Variants in CTNND2 observed in about 807,000 individuals in gnomAD.
CTNND2 encodes the protein catenin delta 2, also known as catenin delta-2.
In CTNND2, 22 loss-of-function variants were observed where a neutral mutation model predicts 144.4. That is an observed-to-expected ratio of 0.15 (90% confidence interval 0.11 to 0.22). The LOEUF (loss-of-function observed/expected upper bound fraction) is 0.22, where lower values mean the gene tolerates loss of function less well. Ranked by LOEUF, CTNND2 falls within the 10% of genes least tolerant of loss-of-function variation. CTNND2 has a pLI of 1.00. For synonymous variants in CTNND2, 751 were observed against 695.6 expected (o/e 1.08, Z -1.25); for missense variants, 1,353 against 1,618.8 (o/e 0.84, Z 2.82).
At chr5:11,028,371 C>A (rs1241280219) in intron 16 of CTNND2, among the ~76,000 whole-genome samples, 1 of 152,036 alleles carries the variant, frequency 6.6e-6, no homozygotes, top group Non-Finnish European at 1.5e-5. Context: ...TAAAAAACTT[C>A]TTTATTGCAG....
chr5:11,088,574 G>C (rs1453542226), intron 15 of CTNND2, among the ~76,000 whole-genome samples: 2 of 151,944 alleles, frequency 1.3e-5, no homozygotes, highest in Non-Finnish European at 1.5e-5. Context: ...TTTTCTTTTG[G>C]AACCAGAAAA....
intron 12 of CTNND2, among the ~76,000 whole-genome samples, chr5:11,153,763 A>T (rs1356142844): frequency 6.6e-6 from 1 of 152,190 alleles, no homozygotes; most frequent in Admixed American, 6.5e-5. Context: ...TTAGGACAAG[A>T]TACTGAAGTG....
chr5:10,994,325 TGGAGGAGCGGGGGCCGGGGAA>T (rs1739063412), intron 18 of CTNND2, among the ~76,000 whole-genome samples: 1 of 10,288 alleles, frequency 9.7e-5, no homozygotes, highest in Non-Finnish European at 1.8e-4. Context: ...GGGGCGGGGA[TGGAGGAGCGGGGGCCGGGGAA>T]GGAGGAGGGG....
At chr5:11,832,420 A>G (rs943603320) in intron 1 of CTNND2, among the ~76,000 whole-genome samples, 10 of 152,202 alleles carry the variant, frequency 6.6e-5, no homozygotes, top group African/African-American at 2.4e-4. Flanking sequence ...TCCAGGAGCT[A>G]GGAAAAAAAC....
chr5:11,615,758 C>T (rs921663735), intron 2 of CTNND2, among the ~76,000 whole-genome samples: 2 of 152,170 alleles, frequency 1.3e-5, no homozygotes, highest in African/African-American at 4.8e-5. Flanking sequence ...AAGAGCTATG[C>T]ATGTGATAAG....
chr5:11,445,728 G>A (rs560298153), intron 3 of CTNND2, among the ~76,000 whole-genome samples: 31 of 152,336 alleles, frequency 2.0e-4, no homozygotes, highest in East Asian at 7.7e-4. Flanking sequence ...ATCATATAGC[G>A]GGGCTGGTGA....
At chr5:11,571,786 C>G (rs1023968121) in intron 2 of CTNND2, among the ~76,000 whole-genome samples, 1 of 152,164 alleles carries the variant, frequency 6.6e-6, no homozygotes, top group Non-Finnish European at 1.5e-5. Flanking sequence ...TGTCCATCTA[C>G]CTTCTTTCAT....
chr5:11,110,310 C>G (rs1180561717), intron 14 of CTNND2, among the ~76,000 whole-genome samples: 1 of 152,212 alleles, frequency 6.6e-6, no homozygotes, highest in Non-Finnish European at 1.5e-5. Context: ...CTGAATTCAC[C>G]TGAATTGTTC....
chr5:11,383,586 CA>C (rs1248756823), intron 7 of CTNND2, among the ~76,000 whole-genome samples: 1 of 152,190 alleles, frequency 6.6e-6, no homozygotes, highest in African/African-American at 2.4e-5. Flanking sequence ...TAGGCCAGGC[CA>C]GTCCACACTG....
At chr5:11,194,198 G>A (rs1341032734) in intron 11 of CTNND2, among the ~76,000 whole-genome samples, 1 of 152,184 alleles carries the variant, frequency 6.6e-6, no homozygotes, top group Non-Finnish European at 1.5e-5. Context: ...TCCCAGGGAG[G>A]TGGCTAACTT....
intron 5 of CTNND2, among the ~76,000 whole-genome samples, chr5:11,404,577 ATCAGTATCTG>A (rs1435849959): frequency 4.4e-5 from 5 of 114,828 alleles, no homozygotes; most frequent in Admixed American, 9.9e-5. Context: ...TTATTGTTTG[ATCAGTATCTG>A]TCAGTATCTG....
intron 2 of CTNND2, among the ~76,000 whole-genome samples, chr5:11,673,173 C>G (rs986923971): frequency 2.0e-5 from 3 of 152,106 alleles, no homozygotes; most frequent in Non-Finnish European, 2.9e-5. Context: ...GAGAACACAT[C>G]ACTCTCAAAT....
chr5:11,138,850 G>A (rs1756414528), intron 12 of CTNND2, among the ~76,000 whole-genome samples: 1 of 152,186 alleles, frequency 6.6e-6, no homozygotes, highest in African/African-American at 2.4e-5. Flanking sequence ...TGGTACTGCT[G>A]CATTGATTAG....
intron 3 of CTNND2, among the ~76,000 whole-genome samples, chr5:11,479,203 T>C (rs1337297587): frequency 6.6e-6 from 1 of 152,190 alleles, no homozygotes; most frequent in South Asian, 2.1e-4. Flanking sequence ...TTCGTGTCCA[T>C]GTGTTCTCAT....
chr5:11,297,476 A>C lies in CTNND2; in HGVS notation c.1628+48896T>G, dbSNP rs1283273306. Among the ~76,000 whole-genome samples the C allele has an allele frequency of 2.0e-5, 3 of 152,342 alleles. No individual in the cohort carries two copies. In the East Asian group the frequency reaches 5.8e-4, roughly 29 times the overall value. On this transcript the variant is annotated intron_variant, in intron 9 of 21. Coordinates refer to ENST00000304623, the MANE Select transcript of CTNND2 (RefSeq NM_001332.4). The stretch of plus-strand genomic sequence containing the variant: ...CATTAAAGACATTTGCAAAATTATA[A>C]AATAATGTTATTCTTCTTATATTGG...
chr5:11,630,485 T>A (rs560540733), intron 2 of CTNND2, among the ~76,000 whole-genome samples: 2 of 152,318 alleles, frequency 1.3e-5, no homozygotes, highest in East Asian at 3.9e-4. Context: ...AACCAATTGG[T>A]GTAAAGAGGT....
intron 2 of CTNND2, among the ~76,000 whole-genome samples, chr5:11,618,524 C>T (rs1210963409): frequency 6.6e-6 from 1 of 152,170 alleles, no homozygotes; most frequent in Non-Finnish European, 1.5e-5. Context: ...CACTCATAAA[C>T]CCACATACAT....
chr5:11,440,235 T>G (rs1764145988), intron 3 of CTNND2, among the ~76,000 whole-genome samples: 2 of 152,238 alleles, frequency 1.3e-5, no homozygotes, highest in African/African-American at 4.8e-5. Flanking sequence ...CTAAACAGTG[T>G]CTAGCTGATG....
intron 2 of CTNND2, among the ~76,000 whole-genome samples, chr5:11,685,308 A>G (rs557279816): frequency 6.6e-6 from 1 of 152,186 alleles, no homozygotes; most frequent in East Asian, 1.9e-4. Context: ...AACTTGTCCA[A>G]TGTCTTTAAA....
Sources: allele counts gnomAD v4.1 joint callset (sites outside exome capture counted in the v4.1 genomes callset), GRCh38; gene constraint gnomAD v4.1.1; transcripts MANE v1.5; gene names NCBI Gene and HGNC (gene_info 2026-07-23, HGNC 2026-07-21).